UBE2E2: variants seen among roughly 807,000 people sequenced by gnomAD.
UBE2E2 encodes the protein ubiquitin-conjugating enzyme E2 E2.
Under a neutral mutation model 24.7 loss-of-function variants are expected in UBE2E2, and 6 were observed. That is an observed-to-expected ratio of 0.24 (90% CI 0.13 to 0.48). The LOEUF (loss-of-function observed/expected upper bound fraction) is 0.48. Ranked by LOEUF, UBE2E2 falls within the 20% of genes least tolerant of loss-of-function variation. The pLI is 0.99. For missense variants in UBE2E2, 169 were observed against 245.0 expected (o/e 0.69, Z 2.07); for synonymous variants, 104 against 83.6 (o/e 1.24, Z -1.33).
chr3:23,371,188 C>G (rs1042743684), intron 3 of UBE2E2, among the ~76,000 whole-genome samples: 7 of 152,016 alleles, frequency 4.6e-5, no homozygotes, highest in Admixed American at 1.3e-4. Context: ...TGCCACCGCA[C>G]CTGGCTAATT....
intron 3 of UBE2E2, among the ~76,000 whole-genome samples, chr3:23,420,955 A>C (rs1031761303): frequency 1.3e-5 from 2 of 152,244 alleles, no homozygotes; most frequent in African/African-American, 2.4e-5. Flanking sequence ...AATCATGTAG[A>C]AGAGACAATA....
intron 2 of UBE2E2, 41 bp from the exon 3 acceptor site, chr3:23,217,221 A>C: frequency 6.5e-7 from 1 of 1,528,772 alleles, no homozygotes; most frequent in Non-Finnish European, 9.1e-7. Flanking sequence ...GTTAAGAGTG[A>C]AGATATTTTT....
chr3:23,330,511 A>T (rs1026073935), intron 3 of UBE2E2, among the ~76,000 whole-genome samples: 1 of 152,216 alleles, frequency 6.6e-6, no homozygotes, highest in African/African-American at 2.4e-5. Flanking sequence ...CCTGTGGTCC[A>T]CATTATATAT....
At chr3:23,570,814 C>A (rs977406105) in intron 5 of UBE2E2, among the ~76,000 whole-genome samples, 3 of 152,180 alleles carry the variant, frequency 2.0e-5, no homozygotes, top group African/African-American at 4.8e-5. Flanking sequence ...TAATAGTTTT[C>A]AAATACTAGA....
At position 23,584,478 on chromosome 3, in the gene UBE2E2, C is replaced by T. The variant is rs188779659; in HGVS notation, c.509-5256C>T. On this transcript the variant is annotated intron_variant, in intron 5 of 5. Coordinates refer to ENST00000396703, the MANE Select transcript of UBE2E2 (RefSeq NM_152653.4). ...GAGGCAAGGTGGGAGTTGTCTGAGC[C>T]TTTTTCCTCTAGAATCAAAGGTGCA... is the stretch of plus-strand genomic sequence containing the variant. Among the ~76,000 whole-genome samples, 22 of 152,044 alleles carry T rather than the reference C, an allele frequency of 1.4e-4. No individual in the cohort carries two copies. In the South Asian group the frequency reaches 2.1e-3, roughly 14 times the overall value.
At position 23,456,342 on chromosome 3, in the gene UBE2E2, G is replaced by C. The variant is rs985310099; in HGVS notation, c.228-43266G>C. ...TATTTTGACCTCATCTCATGATCACGAATGTTCTTAATGGCGTCTAGAATG... is the reference window on the plus strand; with the variant it reads ...TATTTTGACCTCATCTCATGATCACCAATGTTCTTAATGGCGTCTAGAATG... On this transcript the variant is annotated intron_variant, in intron 3 of 5. Coordinates refer to ENST00000396703, the MANE Select transcript of UBE2E2 (RefSeq NM_152653.4). Among the ~76,000 whole-genome samples, 3 of 152,168 alleles carry C rather than the reference G, an allele frequency of 2.0e-5. No homozygotes were observed. In the East Asian group the frequency reaches 5.8e-4, roughly 29 times the overall value.
intron 3 of UBE2E2, among the ~76,000 whole-genome samples, chr3:23,384,783 C>T (rs796517353): frequency 8.6e-5 from 13 of 151,834 alleles, no homozygotes; most frequent in South Asian, 2.1e-4. Flanking sequence ...CCTCGTGATC[C>T]GCCCACCTCG....
At chr3:23,302,436 C>T (rs2125265228) in intron 3 of UBE2E2, among the ~76,000 whole-genome samples, 1 of 152,004 alleles carries the variant, frequency 6.6e-6, no homozygotes. Flanking sequence ...TTTTTTATTC[C>T]TTTGGCAAAA....
intron 4 of UBE2E2, among the ~76,000 whole-genome samples, chr3:23,527,567 C>A (rs1454380105): frequency 1.3e-5 from 2 of 152,138 alleles, no homozygotes; most frequent in African/African-American, 4.8e-5. Flanking sequence ...AGGATGGAAG[C>A]TGGTTGCCAT....
chr3:23,436,036 G>C (rs1253791932), intron 3 of UBE2E2, among the ~76,000 whole-genome samples: 1 of 152,064 alleles, frequency 6.6e-6, no homozygotes, highest in East Asian at 1.9e-4. Context: ...CTGCTATGAG[G>C]ATCTAATGCC....
At chr3:23,505,159 A>G (rs1170134378) in intron 4 of UBE2E2, among the ~76,000 whole-genome samples, 1 of 149,518 alleles carries the variant, frequency 6.7e-6, no homozygotes, top group Non-Finnish European at 1.5e-5. Flanking sequence ...GGGCTCAAGC[A>G]GTCTGCGCAC....
At chr3:23,233,273 T>G (rs1697018062) in intron 3 of UBE2E2, among the ~76,000 whole-genome samples, 1 of 152,170 alleles carries the variant, frequency 6.6e-6, no homozygotes. Flanking sequence ...TAGTTTAAGG[T>G]AAAATATTTG....
intron 4 of UBE2E2, among the ~76,000 whole-genome samples, chr3:23,502,435 C>G (rs1446719999): frequency 1.3e-5 from 2 of 152,088 alleles, no homozygotes; most frequent in African/African-American, 4.8e-5. Flanking sequence ...TGATTGGGTT[C>G]ATGAGATAAT....
chr3:23,408,168 C>T (rs1048675418), intron 3 of UBE2E2, among the ~76,000 whole-genome samples: 1 of 152,068 alleles, frequency 6.6e-6, no homozygotes, highest in African/African-American at 2.4e-5. Context: ...ACATGCTTTA[C>T]ACAGGTTTTT....
chr3:23,291,104 G>A (rs892495685), intron 3 of UBE2E2, among the ~76,000 whole-genome samples: 1 of 149,522 alleles, frequency 6.7e-6, no homozygotes, highest in Non-Finnish European at 1.5e-5. Flanking sequence ...GCCTAGGGCT[G>A]CTTCTAGCCT....
intron 3 of UBE2E2, among the ~76,000 whole-genome samples, chr3:23,283,759 A>G (rs1350283023): frequency 2.0e-5 from 3 of 152,186 alleles, no homozygotes; most frequent in African/African-American, 7.2e-5. Flanking sequence ...TCTCAAAACA[A>G]AACAAAACAA....
chr3:23,484,064 C>G (rs1444864027), intron 3 of UBE2E2, among the ~76,000 whole-genome samples: 1 of 152,122 alleles, frequency 6.6e-6, no homozygotes, highest in Admixed American at 6.6e-5. Context: ...TTTTGCAATT[C>G]TTTATTACGT....
At chr3:23,531,149 A>G (rs914491799) in intron 4 of UBE2E2, among the ~76,000 whole-genome samples, 8 of 152,144 alleles carry the variant, frequency 5.3e-5, no homozygotes, top group Non-Finnish European at 1.2e-4. Context: ...AAGTCTCTAG[A>G]TTTGCCCTTT....
chr3:23,569,963 T>C (rs1485584361), intron 5 of UBE2E2, among the ~76,000 whole-genome samples: 3 of 152,182 alleles, frequency 2.0e-5, no homozygotes, highest in Non-Finnish European at 4.4e-5. Flanking sequence ...TAGGCTATGT[T>C]TTGTGGAATC....
Sources: gnomAD v4.1 joint callset for allele counts (sites outside exome capture counted in the v4.1 genomes callset) on GRCh38, gnomAD v4.1.1 for gene constraint, MANE v1.5 for transcripts, NCBI Gene and HGNC (gene_info 2026-07-23, HGNC 2026-07-21) for gene names.